CAMK2B: variants seen among roughly 807,000 people sequenced by gnomAD.
The protein encoded by CAMK2B is calcium/calmodulin dependent protein kinase II beta.
In CAMK2B, 27 loss-of-function variants were observed where a neutral mutation model predicts 93.7. The observed-to-expected ratio is 0.29, with a 90% CI of 0.21 to 0.40. The LOEUF (loss-of-function observed/expected upper bound fraction) is 0.40, where lower values mean the gene tolerates loss of function less well. Ranked by LOEUF, CAMK2B falls within the 10% of genes least tolerant of loss-of-function variation. CAMK2B has a pLI of 1.00. For missense variants in CAMK2B, 568 were observed against 895.8 expected (o/e 0.63, Z 4.67); for synonymous variants, 374 against 358.8 (o/e 1.04, Z -0.48).
intron 1 of CAMK2B, among the ~76,000 whole-genome samples, chr7:44,309,787 GGAC>G (rs1349914546): frequency 6.6e-5 from 10 of 152,352 alleles, no homozygotes; most frequent in African/African-American, 2.4e-4. Flanking sequence ...AAGAAACTGG[GGAC>G]GAGAGAGATT....
In CAMK2B at chr7:44,225,396, C is replaced by G. The variant is rs988309180; in HGVS notation, c.1597+1120G>C. On this transcript the variant is annotated intron_variant, in intron 20 of 23. Coordinates refer to ENST00000395749, the MANE Select transcript of CAMK2B (RefSeq NM_001220.5). The surrounding 1 kb of genome is among the most constrained non-coding windows in gnomAD (Gnocchi z 5.0). ...CCACCCCAGCTGCACGGCGGCCCCT[C>G]CCCATGCCTCCCTCCTTGAGTTCTG... Among the ~76,000 whole-genome samples, 7 of 152,124 alleles carry G rather than the reference C, an allele frequency of 4.6e-5. No individual in the cohort carries two copies. Among genetic ancestry groups the G allele is most frequent in the African/African-American group, 1.7e-4 (7 of 41,426 alleles).
intron 2 of CAMK2B, among the ~76,000 whole-genome samples, chr7:44,264,397 T>A (rs1167768352): frequency 6.6e-6 from 1 of 152,106 alleles, no homozygotes; most frequent in African/African-American, 2.4e-5. Flanking sequence ...AACACGCATA[T>A]GTCTTGAGTG....
chr7:44,237,838 C>T (rs1005984284), intron 13 of CAMK2B, among the ~76,000 whole-genome samples: 1 of 152,212 alleles, frequency 6.6e-6, no homozygotes, highest in Non-Finnish European at 1.5e-5. Context: ...ACCCTCTGCC[C>T]TCCATCCTGG....
intron 1 of CAMK2B, among the ~76,000 whole-genome samples, chr7:44,297,910 G>A (rs2129166411): frequency 6.6e-6 from 1 of 152,302 alleles, no homozygotes; most frequent in East Asian, 1.9e-4. Context: ...GGTCACTTGA[G>A]GTCAGGAGTT....
intron 1 of CAMK2B, among the ~76,000 whole-genome samples, chr7:44,297,230 CT>C (rs1788552636): frequency 6.6e-6 from 1 of 151,842 alleles, no homozygotes; most frequent in South Asian, 2.1e-4. Context: ...TGAGAGTGGG[CT>C]TGGGTTAGTT....
chr7:44,323,551 G>A (rs1013980996), intron 1 of CAMK2B, among the ~76,000 whole-genome samples: 7 of 152,126 alleles, frequency 4.6e-5, no homozygotes, highest in Admixed American at 1.3e-4. Flanking sequence ...CTGGCCACCC[G>A]GACACTGCCG....
chr7:44,253,908 T>G lies in CAMK2B; in HGVS notation c.341+634A>C, dbSNP rs201492144. On this transcript the variant is annotated intron_variant, in intron 5 of 23. Transcript: ENST00000395749. ...CTACCATGCCTGGCCTCAGTTTTTT[T>G]TTTTTTTTTTTTTAAATACACATCT... Among the ~76,000 whole-genome samples, 15 of 150,236 alleles carry G rather than the reference T, an allele frequency of 1.0e-4. No homozygotes were observed. In the East Asian group the frequency reaches 2.5e-3, roughly 25 times the overall value.
chr7:44,258,524 G>C (rs1204478990), intron 4 of CAMK2B, among the ~76,000 whole-genome samples: 1 of 152,228 alleles, frequency 6.6e-6, no homozygotes, highest in African/African-American at 2.4e-5. Flanking sequence ...GCTGGGATGA[G>C]GGCACCAAGG....
chr7:44,222,682 G>A (rs1304391594), intron 20 of CAMK2B, among the ~76,000 whole-genome samples: 1 of 152,164 alleles, frequency 6.6e-6, no homozygotes, highest in African/African-American at 2.4e-5. Context: ...AACCTCAAGT[G>A]ATCTGCCCAC....
At chr7:44,324,559 T>G (rs1796984365) in intron 1 of CAMK2B, among the ~76,000 whole-genome samples, 1 of 152,136 alleles carries the variant, frequency 6.6e-6, no homozygotes, top group South Asian at 2.1e-4. Flanking sequence ...CAGCACCTGT[T>G]CCCCGTGAGG....
chr7:44,245,026 A>G (rs1435760784), intron 6 of CAMK2B: 3 of 454,284 alleles, frequency 6.6e-6, no homozygotes, highest in African/African-American at 2.0e-5. Flanking sequence ...CTACATGGAG[A>G]AGTTGGACAG....
At chr7:44,285,529 G>A (rs1273676788) in intron 1 of CAMK2B, among the ~76,000 whole-genome samples, 1 of 152,194 alleles carries the variant, frequency 6.6e-6, no homozygotes, top group Non-Finnish European at 1.5e-5. Context: ...CAGGCCAAGG[G>A]CTCTGCGTGG....
chr7:44,226,542 G>A lies in CAMK2B; in HGVS notation c.1571C>T (p.Thr524Ile), dbSNP rs770729206. ...TGGGGTGGGCAGGGGGCCAGGGATA[G>A]TCGGAGATGGGCAGGGCGGGGGCCC... is the stretch of plus-strand genomic sequence containing the variant. Reference protein sequence around the residue: ...PVGPPPCPSPTIPGPLPTPSR... With the variant: ...PVGPPPCPSPIIPGPLPTPSR... Residue 524 changes from threonine (T) to isoleucine (I), a missense_variant, in exon 20 of 24, where the codon ACT (threonine) becomes ATT (isoleucine). Coordinates refer to ENST00000395749, the MANE Select transcript of CAMK2B (RefSeq NM_001220.5). The A allele has an allele frequency of 3.4e-6, 5 of 1,473,088 alleles. No individual in the cohort carries two copies. The African/African-American group carries it at 7.4e-5, about 22-fold the overall frequency. 91.3% of individuals were successfully genotyped at this position (1,473,088 alleles called of 1,614,324 possible).
chr7:44,308,786 C>A (rs1393777196), intron 1 of CAMK2B, among the ~76,000 whole-genome samples: 4 of 152,208 alleles, frequency 2.6e-5, no homozygotes, highest in African/African-American at 9.7e-5. Flanking sequence ...AGGCACTTTG[C>A]CCAGCAGCAG....
intron 1 of CAMK2B, among the ~76,000 whole-genome samples, chr7:44,296,406 GA>G (rs1232845216): frequency 6.6e-6 from 1 of 151,770 alleles, no homozygotes; most frequent in Non-Finnish European, 1.5e-5. Flanking sequence ...AGACAAAAAA[GA>G]ATGAAAAAGA....
intron 6 of CAMK2B, chr7:44,244,899 G>C (rs754062641): frequency 2.2e-4 from 101 of 455,020 alleles, no homozygotes; most frequent in Admixed American, 4.7e-5. Flanking sequence ...CGTCACCTTG[G>C]GGGTCCCAGC....
chr7:44,300,191 T>C (rs942587623), intron 1 of CAMK2B, among the ~76,000 whole-genome samples: 7 of 152,080 alleles, frequency 4.6e-5, no homozygotes, highest in African/African-American at 1.7e-4. Flanking sequence ...TGTGCCACCA[T>C]GGCTGGCTAA....
At chr7:44,282,071 C>A (rs76145764) in intron 2 of CAMK2B, among the ~76,000 whole-genome samples, 10,935 of 152,246 alleles carry the variant, frequency 0.072, 766 homozygotes, top group East Asian at 0.33. Flanking sequence ...CACGTAGACA[C>A]GTGTGTGAAC....
intron 16 of CAMK2B, among the ~76,000 whole-genome samples, chr7:44,232,118 C>T (rs2096585256): frequency 6.6e-6 from 1 of 152,214 alleles, no homozygotes; most frequent in African/African-American, 2.4e-5. Flanking sequence ...CCCCTGGTCC[C>T]TGCCATGGAG....
Sources: gnomAD v4.1 joint callset for allele counts (sites outside exome capture counted in the v4.1 genomes callset) on GRCh38, gnomAD v4.1.1 for gene constraint, Gnocchi (gnomAD v3.1) non-coding constraint, MANE v1.5 for transcripts, NCBI Gene and HGNC (gene_info 2026-07-23, HGNC 2026-07-21) for gene names.